The following CSMD1 variants were observed in gnomAD, a reference collection of about 807,000 sequenced individuals.
CSMD1 encodes the protein CUB and sushi domain-containing protein 1.
A neutral mutation model predicts 417.5 loss-of-function variants in CSMD1; 213 were observed. The ratio of observed to expected loss-of-function variants is 0.51; its 90% CI spans 0.46 to 0.57. The LOEUF is 0.57. CSMD1 is among the 20% of genes least tolerant of loss of function. CSMD1 has a pLI of 0.00. For missense variants in CSMD1, 6,923 were observed against 4,529.7 expected (o/e 1.53, Z -15.17); for synonymous variants, 2,862 against 1,736.8 (o/e 1.65, Z -16.11).
chr8:3,838,124 C>T (rs1439405737), intron 5 of CSMD1, among the ~76,000 whole-genome samples: 1 of 152,040 alleles, frequency 6.6e-6, no homozygotes, highest in Non-Finnish European at 1.5e-5. Context: ...GATTAGAAAA[C>T]AGCCGCAAAT....
chr8:3,397,378 A>T (rs73173193), intron 16 of CSMD1, among the ~76,000 whole-genome samples: 102 of 152,318 alleles, frequency 6.7e-4, no homozygotes, highest in Non-Finnish European at 1.1e-3. Flanking sequence ...AACGATGTTG[A>T]AACCAAAGGG....
At chr8:4,567,839 T>C (rs887085786) in intron 2 of CSMD1, among the ~76,000 whole-genome samples, 2 of 152,234 alleles carry the variant, frequency 1.3e-5, no homozygotes, top group African/African-American at 2.4e-5. Flanking sequence ...ATATTTCTTA[T>C]TAATTCAGAC....
At chr8:4,984,654 G>A (rs1260350912) in intron 1 of CSMD1, among the ~76,000 whole-genome samples, 4 of 152,136 alleles carry the variant, frequency 2.6e-5, no homozygotes, top group Admixed American at 2.6e-4. Context: ...TTGTAAAGGG[G>A]AATGAACTTG....
intron 1 of CSMD1, among the ~76,000 whole-genome samples, chr8:4,876,749 C>T (rs1351507689): frequency 6.6e-6 from 1 of 151,962 alleles, no homozygotes; most frequent in Non-Finnish European, 1.5e-5. Flanking sequence ...CTGAGTGTAC[C>T]AGTTTACATC....
At chr8:3,672,051 A>C (rs993049270) in intron 7 of CSMD1, among the ~76,000 whole-genome samples, 1 of 152,190 alleles carries the variant, frequency 6.6e-6, no homozygotes, top group Non-Finnish European at 1.5e-5. Flanking sequence ...CAAATTAACA[A>C]AGTCAACATC....
intron 7 of CSMD1, among the ~76,000 whole-genome samples, chr8:3,631,816 C>G (rs750835531): frequency 6.6e-6 from 1 of 152,104 alleles, no homozygotes; most frequent in African/African-American, 2.4e-5. Flanking sequence ...ACTAACAGGT[C>G]AACAAGTGAC....
At position 4,261,475 on chromosome 8, in the gene CSMD1, G is replaced by C. The variant is rs11990398; in HGVS notation, c.415+158478C>G. Among the ~76,000 whole-genome samples the C allele has an allele frequency of 4.0e-3, 602 of 152,150 alleles. 3 individuals carry two copies. Among genetic ancestry groups the C allele is most frequent in the African/African-American group, 0.014 (566 of 41,516 alleles). On this transcript the variant is annotated intron_variant, in intron 3 of 69. Transcript: ENST00000635120. ...CCAGTTCGAAGATGCATCAGCCCTG[G>C]GATCTAATGTACAGCATGGTTACTT...
chr8:3,134,438 T>C (rs989551949), intron 41 of CSMD1, among the ~76,000 whole-genome samples: 6 of 152,044 alleles, frequency 3.9e-5, no homozygotes, highest in African/African-American at 1.4e-4. Flanking sequence ...ACTCTCAGGG[T>C]TTTGGCGAGG....
chr8:4,458,402 G>C (rs773824773), intron 2 of CSMD1, among the ~76,000 whole-genome samples: 45 of 151,908 alleles, frequency 3.0e-4, no homozygotes, highest in Non-Finnish European at 5.3e-4. Context: ...AAGTTTATGG[G>C]GATTATTGGC....
At chr8:4,018,004 G>A (rs142210735) in intron 4 of CSMD1, among the ~76,000 whole-genome samples, 2 of 152,264 alleles carry the variant, frequency 1.3e-5, no homozygotes, top group Non-Finnish European at 2.9e-5. Context: ...TGCTTCATGA[G>A]TATGGTTTGT....
intron 1 of CSMD1, among the ~76,000 whole-genome samples, chr8:4,764,088 A>C (rs1184616176): frequency 6.6e-6 from 1 of 152,164 alleles, no homozygotes; most frequent in Non-Finnish European, 1.5e-5. Flanking sequence ...CATCTATGCA[A>C]TCTCCACCTC....
intron 5 of CSMD1, among the ~76,000 whole-genome samples, chr8:3,839,038 T>TTA (rs1233988354): frequency 7.8e-6 from 1 of 128,106 alleles, no homozygotes; most frequent in Non-Finnish European, 1.6e-5. Flanking sequence ...TATATATTTA[T>TTA]TATATATATA....
At chr8:4,563,488 A>C (rs1295602104) in intron 2 of CSMD1, among the ~76,000 whole-genome samples, 1 of 152,238 alleles carries the variant, frequency 6.6e-6, no homozygotes, top group Non-Finnish European at 1.5e-5. Context: ...TCTCCCGTTC[A>C]GTATTCCTGT....
At chr8:4,711,686 T>A (rs1331759583) in intron 1 of CSMD1, among the ~76,000 whole-genome samples, 4 of 152,148 alleles carry the variant, frequency 2.6e-5, no homozygotes, top group Admixed American at 2.6e-4. Context: ...AAAAAATCCA[T>A]TAAAGTCTTT....
At chr8:4,894,569 A>AAT (rs1804353187) in intron 1 of CSMD1, among the ~76,000 whole-genome samples, 1 of 97,288 alleles carries the variant, frequency 1.0e-5, no homozygotes, top group African/African-American at 3.5e-5. Flanking sequence ...GAAAAAAAAA[A>AAT]AAAAAAGCTA....
chr8:3,437,367 A>C (rs66475817), intron 12 of CSMD1, among the ~76,000 whole-genome samples: 43,112 of 152,130 alleles, frequency 0.28, 7,109 homozygotes, highest in South Asian at 0.39. Flanking sequence ...TATAGTTTGC[A>C]TTCATATAAA....
chr8:4,540,999 C>A (rs973309501), intron 2 of CSMD1, among the ~76,000 whole-genome samples: 14 of 152,210 alleles, frequency 9.2e-5, no homozygotes, highest in African/African-American at 3.4e-4. Flanking sequence ...ATGAAAAGCT[C>A]AAACTCTTTA....
chr8:4,588,126 T>C (rs1799795768), intron 2 of CSMD1, among the ~76,000 whole-genome samples: 1 of 152,096 alleles, frequency 6.6e-6, no homozygotes, highest in Non-Finnish European at 1.5e-5. Context: ...GAGTGGATAA[T>C]AATTTTTCAA....
At chr8:3,058,419 T>C (rs541359017) in intron 49 of CSMD1, among the ~76,000 whole-genome samples, 1 of 152,344 alleles carries the variant, frequency 6.6e-6, no homozygotes, top group East Asian at 1.9e-4. Flanking sequence ...CATTACAATT[T>C]GCATTACCAA....
Sources: allele counts gnomAD v4.1 joint callset (sites outside exome capture counted in the v4.1 genomes callset), GRCh38; gene constraint gnomAD v4.1.1; transcripts MANE v1.5; gene names NCBI Gene and HGNC (gene_info 2026-07-23, HGNC 2026-07-21).